The following LRFN5 variants were observed in gnomAD, a reference collection of about 807,000 sequenced individuals.
The protein encoded by LRFN5 is leucine rich repeat and fibronectin type III domain containing 5, also known as leucine-rich repeat and fibronectin type-III domain-containing protein 5.
Under a neutral mutation model 45.6 loss-of-function variants are expected in LRFN5, and 24 were observed. The ratio of observed to expected loss-of-function variants is 0.53; its 90% confidence interval spans 0.38 to 0.74. The LOEUF (loss-of-function observed/expected upper bound fraction) is 0.74. Ranked by LOEUF, LRFN5 falls within the 30% of genes least tolerant of loss-of-function variation. The pLI is 0.00. For synonymous variants in LRFN5, 340 were observed against 313.8 expected (o/e 1.08, Z -0.88); for missense variants, 776 against 861.5 (o/e 0.90, Z 1.24).
chr14:41,683,248 G>A (rs540180097), intron 1 of LRFN5, among the ~76,000 whole-genome samples: 2 of 152,148 alleles, frequency 1.3e-5, no homozygotes, highest in South Asian at 2.1e-4. Context: ...ATGCTGAGAG[G>A]GCTTTGATAA....
At chr14:41,610,369 T>G (rs1163257596) in intron 1 of LRFN5, among the ~76,000 whole-genome samples, 1 of 152,176 alleles carries the variant, frequency 6.6e-6, no homozygotes, top group Non-Finnish European at 1.5e-5. Context: ...AACCTGAAGC[T>G]AAGTGTGTAT....
intron 2 of LRFN5, among the ~76,000 whole-genome samples, chr14:41,794,599 G>A (rs980883847): frequency 1.3e-5 from 2 of 151,964 alleles, no homozygotes; most frequent in African/African-American, 4.8e-5. Context: ...GTACAGTGTG[G>A]GAAAAGTTCA....
chr14:41,891,725 G>A lies in LRFN5; in HGVS notation c.1861G>A (p.Asp621Asn), dbSNP rs778673759. 2 of 1,614,178 alleles carry A rather than the reference G, an allele frequency of 1.2e-6. No homozygotes were observed. The highest frequency in any genetic ancestry group is 1.7e-5 in the Admixed American group (1 of 60,028). Reference sequence around the variant, plus strand: ...ATCTTCAGAAACTTGTTCGAGTCAGGACTCCTCTACCACTACCTCTGCTTT... The same window carrying A: ...ATCTTCAGAAACTTGTTCGAGTCAGAACTCCTCTACCACTACCTCTGCTTT... ...IQSSETCSSQ[D>N]SSTTTSALPP... The change falls in exon 4 of 6, where the codon GAC becomes AAC. Residue 621 changes from aspartate (D) to asparagine (N), a missense_variant. Coordinates refer to ENST00000298119, the MANE Select transcript of LRFN5 (RefSeq NM_152447.5).
At position 41,822,059 on chromosome 14, in the gene LRFN5, T is replaced by A. The variant is rs529145938; in HGVS notation, c.-21+55030T>A. Among the ~76,000 whole-genome samples the A allele has an allele frequency of 5.9e-5, 9 of 152,110 alleles. No individual in the cohort carries two copies. In the East Asian group the frequency reaches 1.7e-3, roughly 29 times the overall value. Reference sequence around the variant, plus strand: ...ATTTGAATCTTCTCCCTTTTTTTCTTGGTTAATCTAGCAAGCATCCTAGCA... The same window carrying A: ...ATTTGAATCTTCTCCCTTTTTTTCTAGGTTAATCTAGCAAGCATCCTAGCA... On this transcript the variant is annotated intron_variant, in intron 2 of 5. Coordinates refer to ENST00000298119, the MANE Select transcript of LRFN5 (RefSeq NM_152447.5).
At chr14:41,763,997 T>C (rs1296779961) in intron 1 of LRFN5, among the ~76,000 whole-genome samples, 2 of 152,160 alleles carry the variant, frequency 1.3e-5, no homozygotes, top group Admixed American at 1.3e-4. Flanking sequence ...TAATTTTTTA[T>C]AGGATGTTCC....
chr14:41,769,637 G>C (rs753703722), intron 2 of LRFN5, among the ~76,000 whole-genome samples: 3 of 151,890 alleles, frequency 2.0e-5, no homozygotes, highest in Non-Finnish European at 4.4e-5. Flanking sequence ...TAACTATTAA[G>C]GTATCCTTAA....
At chr14:41,845,463 A>G (rs1300502885) in intron 2 of LRFN5, among the ~76,000 whole-genome samples, 1 of 152,140 alleles carries the variant, frequency 6.6e-6, no homozygotes, top group Non-Finnish European at 1.5e-5. Context: ...TGCATGGTGT[A>G]TCTAAACAAA....
chr14:41,804,008 T>C (rs1016243842), intron 2 of LRFN5, among the ~76,000 whole-genome samples: 2 of 152,056 alleles, frequency 1.3e-5, no homozygotes, highest in African/African-American at 4.8e-5. Flanking sequence ...GGATTACAGG[T>C]GCATGCCACC....
chr14:41,772,575 A>T (rs76513905), intron 2 of LRFN5, among the ~76,000 whole-genome samples: 1,630 of 152,352 alleles, frequency 0.011, 26 homozygotes, highest in African/African-American at 0.037. Flanking sequence ...AAGAAAGAAT[A>T]AAAAACCCTC....
At chr14:41,722,627 A>C (rs1379966346) in intron 1 of LRFN5, among the ~76,000 whole-genome samples, 1 of 150,726 alleles carries the variant, frequency 6.6e-6, no homozygotes, top group Non-Finnish European at 1.5e-5. Flanking sequence ...GTGATTGTAA[A>C]GAATGTTGGG....
At chr14:41,809,703 T>G (rs1887674088) in intron 2 of LRFN5, among the ~76,000 whole-genome samples, 1 of 151,706 alleles carries the variant, frequency 6.6e-6, no homozygotes, top group Non-Finnish European at 1.5e-5. Flanking sequence ...TAATATTTAT[T>G]CTTTTTTAAA....
At chr14:41,697,908 A>G (rs1471661645) in intron 1 of LRFN5, among the ~76,000 whole-genome samples, 2 of 151,982 alleles carry the variant, frequency 1.3e-5, no homozygotes, top group Admixed American at 6.6e-5. Context: ...TATGAGAGTT[A>G]TAGAAGAAGT....
intron 1 of LRFN5, among the ~76,000 whole-genome samples, chr14:41,761,649 C>T (rs1885675218): frequency 6.6e-6 from 1 of 151,978 alleles, no homozygotes; most frequent in South Asian, 2.1e-4. Flanking sequence ...CTCATTTCAC[C>T]AAGGGATGAA....
At chr14:41,895,833 T>C (rs1007781196) in intron 4 of LRFN5, among the ~76,000 whole-genome samples, 2 of 149,902 alleles carry the variant, frequency 1.3e-5, no homozygotes, top group South Asian at 4.2e-4. Flanking sequence ...ATAGAAGTTT[T>C]GAACCATTCT....
chr14:41,673,461 C>T (rs1161024826), intron 1 of LRFN5, among the ~76,000 whole-genome samples: 2 of 146,218 alleles, frequency 1.4e-5, no homozygotes, highest in Non-Finnish European at 3.0e-5. Flanking sequence ...CCCCCCACCT[C>T]CCTCCTGGAC....
chr14:41,850,002 G>C (rs1233238344), intron 2 of LRFN5, among the ~76,000 whole-genome samples: 3 of 151,796 alleles, frequency 2.0e-5, no homozygotes, highest in African/African-American at 7.3e-5. Context: ...AGCTTTTCAA[G>C]GGTTAGAATA....
intron 1 of LRFN5, among the ~76,000 whole-genome samples, chr14:41,683,101 T>C (rs1039961704): frequency 6.6e-6 from 1 of 152,112 alleles, no homozygotes. Context: ...AATTCAACAA[T>C]ACATTAAAAA....
rs1868100 is a variant in LRFN5 at position 41,759,969 on chromosome 14, A to G, written c.-196-6885A>G. ...GTGGAAATAACACAGAGGGATTCCC[A>G]CATATCTTATACCTGGTTTTTTCCA... On this transcript the variant is annotated intron_variant, in intron 1 of 5. Transcript: ENST00000298119. Among the ~76,000 whole-genome samples the G allele has an allele frequency of 3.8e-3, 572 of 152,330 alleles. 4 individuals are homozygous for G. Among genetic ancestry groups the G allele is most frequent in the South Asian group, 0.02 (95 of 4,820 alleles).
intron 2 of LRFN5, among the ~76,000 whole-genome samples, chr14:41,778,867 A>G (rs1446046617): frequency 6.6e-6 from 1 of 151,768 alleles, no homozygotes; most frequent in Non-Finnish European, 1.5e-5. Context: ...TATTTTGTTA[A>G]GTTTGTACTC....
Sources: allele counts gnomAD v4.1 joint callset (sites outside exome capture counted in the v4.1 genomes callset), GRCh38; gene constraint gnomAD v4.1.1; transcripts MANE v1.5; gene names NCBI Gene and HGNC (gene_info 2026-07-23, HGNC 2026-07-21).